ITLN2: variants seen among roughly 807,000 people sequenced by gnomAD.
ITLN2 encodes the protein intelectin-2.
In ITLN2, 29 loss-of-function variants were observed where a neutral mutation model predicts 39.4. That is an observed-to-expected ratio of 0.74 (90% CI 0.55 to 1.00). The LOEUF is 1.00. Ranked by LOEUF, ITLN2 falls within the 50% of genes least tolerant of loss-of-function variation. The pLI is 0.00. For missense variants in ITLN2, 412 were observed against 416.7 expected, an observed-to-expected ratio of 0.99 and a Z score of 0.10; for synonymous variants, 156 against 153.4, an observed-to-expected ratio of 1.02 and a Z score of -0.12.
At chr1:160,949,846 A>C (rs1450532932) in intron 6 of ITLN2, 200 bp downstream of exon 6, 11 of 549,526 alleles carry the variant, frequency 2.0e-5, no homozygotes, top group Non-Finnish European at 2.3e-5. Context: ...GTGCTGTGAA[A>C]TGGGGATAAC....
intron 6 of ITLN2, 128 bp from the exon 7 acceptor site, chr1:160,948,160 G>C: frequency 1.4e-6 from 1 of 700,676 alleles, no homozygotes; most frequent in Non-Finnish European, 2.5e-6. Flanking sequence ...CAGGCTGTAG[G>C]GGTGCAGCCC....
At chr1:160,951,397 C>T in intron 3 of ITLN2, 107 bp from the exon 4 acceptor site, 1 of 1,410,332 alleles carries the variant, frequency 7.1e-7, no homozygotes, top group East Asian at 2.3e-5. Context: ...CAGAAGACTC[C>T]AACACATACT....
At position 160,947,981 on chromosome 1, in the gene ITLN2, G is replaced by GCT. The variant is rs770095208; in HGVS notation, c.771_772dup (p.Ala258GlufsTer10). 43 of 1,614,068 alleles carry GCT rather than the reference G, an allele frequency of 2.7e-5. No homozygotes were observed. Among genetic ancestry groups the GCT allele is most frequent in the Non-Finnish European group, 3.6e-5 (42 of 1,180,012 alleles). ...TATCCCAGCACAAAGGGCGTTGGCT[G>GCT]CTCTCTCGTTATTAAACACCCGGAA... On this transcript the variant is annotated frameshift_variant, in exon 7 of 8. Coordinates refer to ENST00000368029, the MANE Select transcript of ITLN2 (RefSeq NM_080878.3). LOFTEE classifies it high-confidence loss of function.
chr1:160,947,062 C>T (rs1557872700), intron 7 of ITLN2, among the ~76,000 whole-genome samples: 1 of 152,164 alleles, frequency 6.6e-6, no homozygotes. Context: ...GTGCCAGCCT[C>T]TGAGTTCCCT....
Position 160,948,030 on chromosome 1 carries a change from C to T in ITLN2, c.724G>A (p.Glu242Lys). ...AACTGAACGAATCCTGCAACAAATT[C>T]CCCTGAAAAAGAAGAGGTGAAGAAA... The part of the protein sequence containing the change: ...ASYYSPYGQR[E>K]FVAGFVQFRV... The change falls in exon 7 of 8, where the codon GAA becomes AAA. Residue 242 changes from glutamate (E) to lysine (K), a missense_variant and splice_region_variant. Glu to Lys is a moderately conservative substitution (Grantham distance 56, BLOSUM62 1). Transcript: ENST00000368029. 1.2e-6 allele frequency: 2 copies of T among 1,613,392 alleles called. No individual in the cohort carries two copies. The highest frequency in any genetic ancestry group is 1.1e-5 in the South Asian group (1 of 91,058).
intron 7 of ITLN2, among the ~76,000 whole-genome samples, chr1:160,945,532 A>G (rs1022128507): frequency 6.6e-6 from 1 of 152,220 alleles, no homozygotes; most frequent in African/African-American, 2.4e-5. Context: ...CAGAGCCAGT[A>G]GAGAAACTTG....
chr1:160,949,923 C>T (rs1010785254), intron 6 of ITLN2, 123 bp downstream of exon 6: 2 of 834,264 alleles, frequency 2.4e-6, no homozygotes, highest in African/African-American at 1.7e-5. Flanking sequence ...AGTTCCAAGA[C>T]AAGAGTCTGG....
intron 7 of ITLN2, among the ~76,000 whole-genome samples, chr1:160,947,505 T>G (rs191440892): frequency 2.5e-3 from 377 of 152,222 alleles, no homozygotes; most frequent in Non-Finnish European, 4.2e-3. Context: ...GATGGTAAGG[T>G]CTTTCCTCTC....
At chr1:160,952,297 C>T (rs935286501) in intron 3 of ITLN2, among the ~76,000 whole-genome samples, 1 of 152,166 alleles carries the variant, frequency 6.6e-6, no homozygotes, top group African/African-American at 2.4e-5. Context: ...ATTAATAAAG[C>T]TCTTTGTCTC....
intron 2 of ITLN2, among the ~76,000 whole-genome samples, chr1:160,953,080 A>C (rs776657986): frequency 2.0e-5 from 3 of 152,178 alleles, no homozygotes; most frequent in Non-Finnish European, 4.4e-5. Context: ...AGGCCTGGGA[A>C]CTGCTGGGGA....
Position 160,950,177 on chromosome 1 carries a change from C to T in ITLN2, c.601-11G>A. ...TTTCACTGGGTATTTCTGCAGAGAC[C>T]CAGAAGAAAGGTTTTGTGAGGACAG... On this transcript the variant is annotated splice_polypyrimidine_tract_variant and intron_variant, in intron 5 of 7. Coordinates refer to ENST00000368029, the MANE Select transcript of ITLN2 (RefSeq NM_080878.3). The T allele has an allele frequency of 6.2e-7, 1 of 1,613,660 alleles. No homozygotes were observed. Among genetic ancestry groups the T allele is most frequent in the Non-Finnish European group, 8.5e-7 (1 of 1,179,676 alleles).
chr1:160,949,890 T>C, intron 6 of ITLN2, 156 bp downstream of exon 6: 3 of 660,436 alleles, frequency 4.5e-6, no homozygotes, highest in Non-Finnish European at 5.0e-6. Context: ...CTCATGGTAA[T>C]TAAATGACAC....
Position 160,950,160 on chromosome 1 carries a change from G to A in ITLN2, c.607C>T (p.Pro203Ser), listed in dbSNP as rs758045674. ...CATTTCCCTGATCTGTATTTCACTG[G>A]GTATTTCTGCAGAGACCCAGAAGAA... Reference protein sequence around the residue: ...HNLFGIYQKYPVKYRSGKCWN... With the variant: ...HNLFGIYQKYSVKYRSGKCWN... Residue 203 changes from proline to serine, a missense_variant, in exon 6 of 8, where the codon CCA (proline) becomes TCA (serine). Physicochemically the swap from Pro to Ser is moderately conservative, Grantham distance 74 (BLOSUM62 -1). Transcript: ENST00000368029. 1.2e-6 allele frequency: 2 copies of A among 1,613,844 alleles called. No homozygotes were observed. Among genetic ancestry groups the A allele is most frequent in the Admixed American group, 1.7e-5 (1 of 60,006 alleles).
intron 7 of ITLN2, among the ~76,000 whole-genome samples, chr1:160,947,618 C>G (rs1671636204): frequency 6.6e-6 from 1 of 152,196 alleles, no homozygotes; most frequent in Non-Finnish European, 1.5e-5. Context: ...TGCATTGTGT[C>G]CCTGGTTTAT....
At position 160,945,095 on chromosome 1, in the gene ITLN2, G is replaced by T. The variant is rs183839802; in HGVS notation, c.*45C>A. On this transcript the variant is annotated 3_prime_UTR_variant, in exon 8 of 8. Coordinates refer to ENST00000368029, the MANE Select transcript of ITLN2 (RefSeq NM_080878.3). ...CCAGTTTTTCCGTCTCCAAATAGCC[G>T]GGGTTGGAAGATGGGTTCTCGCCCT... 2 of 1,514,294 alleles carry T rather than the reference G, an allele frequency of 1.3e-6. No homozygotes were observed. Among genetic ancestry groups the T allele is most frequent in the Non-Finnish European group, 8.8e-7 (1 of 1,138,528 alleles). The allele number at this position is 1,514,294 out of a possible 1,614,324, so 93.8% of individuals were successfully genotyped here.
Position 160,951,039 on chromosome 1 carries a change from C to T in ITLN2, c.441+4G>A. The T allele has an allele frequency of 1.2e-6, 2 of 1,614,196 alleles. No homozygotes were observed. Among genetic ancestry groups the T allele is most frequent in the East Asian group, 2.2e-5 (1 of 44,880 alleles). On this transcript the variant is annotated splice_donor_region_variant and intron_variant, in intron 4 of 7. Coordinates refer to ENST00000368029, the MANE Select transcript of ITLN2 (RefSeq NM_080878.3). The stretch of plus-strand genomic sequence containing the variant: ...CACCCAAGTAGGAGAGAAGTGGCAC[C>T]AACCTTGTAGTCATCGCTCGTGGCC...
At chr1:160,954,550 G>A (rs1173777104) in intron 1 of ITLN2, 100 bp from the exon 2 acceptor site, 2 of 1,239,204 alleles carry the variant, frequency 1.6e-6, no homozygotes, top group South Asian at 1.3e-5. Context: ...TCCTCAAATG[G>A]AAAGTGATGG....
At chr1:160,953,650 G>A (rs900479441) in intron 2 of ITLN2, among the ~76,000 whole-genome samples, 1 of 151,962 alleles carries the variant, frequency 6.6e-6, no homozygotes, top group Admixed American at 6.6e-5. Context: ...GACGGAGGTT[G>A]CAGTGAGCCG....
chr1:160,949,418 G>GC (rs1671686998), intron 6 of ITLN2: 1 of 152,970 alleles, frequency 6.5e-6, no homozygotes, highest in Non-Finnish European at 1.5e-5. Context: ...TTCCCACGAG[G>GC]CCATATCTCA....
Sources: gnomAD v4.1 joint callset for allele counts (sites outside exome capture counted in the v4.1 genomes callset) on GRCh38, gnomAD v4.1.1 for gene constraint, MANE v1.5 for transcripts, NCBI Gene and HGNC (gene_info 2026-07-23, HGNC 2026-07-21) for gene names.